Variants in TRMT1L observed in about 807,000 individuals in gnomAD.
TRMT1L encodes tRNA (guanine(27)-N(2))-dimethyltransferase.
A neutral mutation model predicts 81.6 loss-of-function variants in TRMT1L; 28 were observed. That is an observed-to-expected ratio of 0.34 (90% CI 0.25 to 0.47). The LOEUF (loss-of-function observed/expected upper bound fraction) is 0.47, where lower values mean the gene tolerates loss of function less well. TRMT1L is among the 20% of genes least tolerant of loss of function. The pLI is 1.00. For missense variants in TRMT1L, 739 were observed against 877.1 expected, an observed-to-expected ratio of 0.84 and a Z score of 1.99; for synonymous variants, 301 against 303.2, an observed-to-expected ratio of 0.99 and a Z score of 0.07.
At chr1:185,148,335 T>C (rs1214430366) in intron 3 of TRMT1L, among the ~76,000 whole-genome samples, 4 of 152,210 alleles carry the variant, frequency 2.6e-5, no homozygotes, top group African/African-American at 4.8e-5. Context: ...CACTTGGTCC[T>C]AATGCACTGT....
chr1:185,122,431 T>G (rs1364460799), intron 13 of TRMT1L, among the ~76,000 whole-genome samples: 3 of 151,572 alleles, frequency 2.0e-5, no homozygotes, highest in Non-Finnish European at 4.4e-5. Flanking sequence ...AAAAACAAAT[T>G]TTTTTTTTGA....
intron 10 of TRMT1L, among the ~76,000 whole-genome samples, chr1:185,136,392 A>G (rs1362563594): frequency 3.3e-5 from 5 of 152,124 alleles, no homozygotes; most frequent in Non-Finnish European, 5.9e-5. Context: ...TGGATAGAAG[A>G]CAGAGCAAGA....
At chr1:185,128,913 T>C (rs886897030) in intron 10 of TRMT1L, among the ~76,000 whole-genome samples, 166 bp from the exon 11 acceptor site, 7 of 152,160 alleles carry the variant, frequency 4.6e-5, no homozygotes, top group Non-Finnish European at 8.8e-5. Context: ...TGTGCATATG[T>C]ATACGTATAT....
chr1:185,129,198 G>A (rs1012225828), intron 10 of TRMT1L, among the ~76,000 whole-genome samples: 3 of 152,134 alleles, frequency 2.0e-5, no homozygotes, highest in African/African-American at 7.2e-5. Context: ...TATAATTTAT[G>A]TGCAATAAAA....
rs1652421278 is a variant in TRMT1L at position 185,118,687 on chromosome 1, T to C, written c.*1332A>G. On this transcript the variant is annotated 3_prime_UTR_variant, in exon 15 of 15. Transcript: ENST00000367506. Reference sequence around the variant, plus strand: ...TTACCGAAATTTATGACCACATTAATTGGAGAAAGGAAAATAAACTCTCTT... The same window carrying C: ...TTACCGAAATTTATGACCACATTAACTGGAGAAAGGAAAATAAACTCTCTT... 6.6e-6 allele frequency: 1 copy of C among 152,160 alleles called. No individual in the cohort carries two copies. Among genetic ancestry groups the C allele is most frequent in the Admixed American group, 6.5e-5 (1 of 15,272 alleles). 9.4% of individuals were successfully genotyped at this position (152,160 alleles called of 1,614,324 possible).
Position 185,156,924 on chromosome 1 carries a change from C to T in TRMT1L, c.-212G>A, listed in dbSNP as rs1419299404. 2 of 636,058 alleles carry T rather than the reference C, an allele frequency of 3.1e-6. No homozygotes were observed. Among genetic ancestry groups the T allele is most frequent in the East Asian group, 3.3e-5 (1 of 30,354 alleles). The allele number at this position is 636,058 out of a possible 1,614,324, so 39.4% of individuals were successfully genotyped here. A position where few individuals can be genotyped will look rare whatever the true frequency, so the allele number is the denominator to read the frequency against. On this transcript the variant is annotated 5_prime_UTR_variant, in exon 1 of 15. Transcript: ENST00000367506. Reference sequence around the variant, plus strand: ...AGCCAGAGGCAGCGATTCCAGATGCCCGTCCGCTTCCCTTTCCCCGAGGCG... The same window carrying T: ...AGCCAGAGGCAGCGATTCCAGATGCTCGTCCGCTTCCCTTTCCCCGAGGCG...
intron 5 of TRMT1L, among the ~76,000 whole-genome samples, chr1:185,144,345 T>C (rs1175424282): frequency 6.6e-6 from 1 of 151,964 alleles, no homozygotes; most frequent in Admixed American, 6.6e-5. Flanking sequence ...ACAATCACCC[T>C]AGGAAAGCAC....
chr1:185,137,533 T>C (rs774778210), intron 10 of TRMT1L, 73 bp downstream of exon 10: 13 of 1,381,284 alleles, frequency 9.4e-6, no homozygotes, highest in Non-Finnish European at 1.2e-5. Context: ...CAACAATATG[T>C]ATAATTAGGT....
In TRMT1L at chr1:185,125,099, A is replaced by G; in HGVS notation, c.1604T>C (p.Leu535Pro). The G allele has an allele frequency of 6.2e-7, 1 of 1,605,638 alleles. No individual in the cohort carries two copies. The highest frequency in any genetic ancestry group is 8.5e-7 in the Non-Finnish European group (1 of 1,175,686). Residue 535 changes from leucine (L) to proline (P), a missense_variant, in exon 12 of 15, where the codon CTT becomes CCT. Physicochemically the swap from Leu to Pro is moderately conservative, Grantham distance 98. This residue lies in a region of TRMT1L where 196 missense variants were observed against 232.6 expected (regional missense o/e 0.84). Transcript: ENST00000367506. ...TCTTTTGAGGAATCCAGTATTGAAA[A>G]GGGAACTTGACCTGAAAAGAAAAGA... is the stretch of plus-strand genomic sequence containing the variant. Reference protein sequence around the residue: ...IELGPLWSSSLFNTGFLKRML... With the variant: ...IELGPLWSSSPFNTGFLKRML...
At position 185,156,944 on chromosome 1, in the gene TRMT1L, G is replaced by C; in HGVS notation, c.-232C>G. 1.7e-6 allele frequency: 1 copy of C among 597,436 alleles called. No individual in the cohort carries two copies. The highest frequency in any genetic ancestry group is 2.8e-6 in the Non-Finnish European group (1 of 356,138). 37.0% of individuals were successfully genotyped at this position (597,436 alleles called of 1,614,324 possible). ...GATGCCCGTCCGCTTCCCTTTCCCC[G>C]AGGCGTTACGACGCCACCACAAACT... On this transcript the variant is annotated 5_prime_UTR_variant, in exon 1 of 15. Transcript: ENST00000367506.
At position 185,120,457 on chromosome 1, in the gene TRMT1L, A is replaced by T. The variant is rs757890951; in HGVS notation, c.1875T>A (p.Thr625=). 5 of 1,602,380 alleles carry T rather than the reference A, an allele frequency of 3.1e-6. No homozygotes were observed. Among genetic ancestry groups the T allele is most frequent in the Non-Finnish European group, 3.4e-6 (4 of 1,175,690 alleles). Reference sequence around the variant, plus strand: ...AGGGAGGATGTTCAGTACTGACATCAGTCTTTTGCTTCTTGCCTAAATTTG... The same window carrying T: ...AGGGAGGATGTTCAGTACTGACATCTGTCTTTTGCTTCTTGCCTAAATTTG... The part of the protein sequence containing the change: ...MITNLGKKQK[T]DVSTEHPPFY... Residue 625 remains threonine (T), a synonymous_variant, in exon 14 of 15, where the codon ACT becomes ACA. Transcript: ENST00000367506.
chr1:185,153,520 C>G lies in TRMT1L; in HGVS notation c.236-1585G>C, dbSNP rs530288017. ...AGTTGTAGAGATCAAGAAAGCACATCTGGTGACCTTTAAGAAAACAGGTTC... is the reference window on the plus strand; with the variant it reads ...AGTTGTAGAGATCAAGAAAGCACATGTGGTGACCTTTAAGAAAACAGGTTC... On this transcript the variant is annotated intron_variant, in intron 1 of 14. Coordinates refer to ENST00000367506, the MANE Select transcript of TRMT1L (RefSeq NM_030934.5). Among the ~76,000 whole-genome samples the G allele has an allele frequency of 4.6e-5, 7 of 152,240 alleles. No individual in the cohort carries two copies. In the East Asian group the frequency reaches 7.7e-4, roughly 17 times the overall value.
At chr1:185,127,272 T>A (rs567105525) in intron 11 of TRMT1L, among the ~76,000 whole-genome samples, 4 of 152,292 alleles carry the variant, frequency 2.6e-5, no homozygotes, top group African/African-American at 9.6e-5. Context: ...AACTAGAAGG[T>A]AGGGCTGGCT....
At chr1:185,136,412 A>G (rs11806751) in intron 10 of TRMT1L, among the ~76,000 whole-genome samples, 146 of 152,082 alleles carry the variant, frequency 9.6e-4, no homozygotes, top group African/African-American at 3.4e-3. Context: ...ACTCCATCTG[A>G]AAAAAAATAA....
chr1:185,120,389 A>G lies in TRMT1L; in HGVS notation c.1943T>C (p.Met648Thr). The G allele has an allele frequency of 6.4e-7, 1 of 1,568,626 alleles. No homozygotes were observed. Among genetic ancestry groups the G allele is most frequent in the Non-Finnish European group, 8.6e-7 (1 of 1,160,404 alleles). The change falls in exon 14 of 15, where the codon ATG becomes ACG. Residue 648 changes from methionine to threonine, a missense_variant. Around this residue, in one of 4 missense-constraint regions of TRMT1L, gnomAD observed 196 missense variants for 232.6 expected, o/e 0.84. Transcript: ENST00000367506. ...IHRHSIKGMN[M>T]PKLKKFLCYL... ...CATTCACTGGGTGTCTTACTTTGGC[A>G]TATTCATTCCTTTAATGCTGTGTCT... is the stretch of plus-strand genomic sequence containing the variant.
At chr1:185,152,840 G>C (rs1331767959) in intron 1 of TRMT1L, among the ~76,000 whole-genome samples, 1 of 152,158 alleles carries the variant, frequency 6.6e-6, no homozygotes, top group Non-Finnish European at 1.5e-5. Context: ...TTTAGTTTTT[G>C]ACATGGTGTG....
At chr1:185,147,274 A>C (rs761704698) in intron 3 of TRMT1L, 28 bp from the exon 4 acceptor site, 1 of 1,536,492 alleles carries the variant, frequency 6.5e-7, no homozygotes, top group South Asian at 1.2e-5. Context: ...TGGTTATCAT[A>C]CATTGTTCAT....
chr1:185,146,283 A>G (rs879890716), intron 4 of TRMT1L, among the ~76,000 whole-genome samples: 5 of 152,050 alleles, frequency 3.3e-5, no homozygotes, highest in Admixed American at 3.3e-4. Flanking sequence ...ACTGAATGTT[A>G]GAGACATAAT....
At chr1:185,124,883 A>G (rs1050347088) in intron 12 of TRMT1L, 61 bp downstream of exon 12, 2 of 1,445,902 alleles carry the variant, frequency 1.4e-6, no homozygotes, top group South Asian at 1.4e-5. Context: ...ATACAATTGA[A>G]AAAGATACAG....
Sources: allele counts gnomAD v4.1 joint callset (sites outside exome capture counted in the v4.1 genomes callset), GRCh38; gene constraint gnomAD v4.1.1; regional missense constraint gnomAD v4.1.1; transcripts MANE v1.5; gene names NCBI Gene and HGNC (gene_info 2026-07-23, HGNC 2026-07-21).